APBB2: variants seen among roughly 807,000 people sequenced by gnomAD.
The protein encoded by APBB2 is amyloid beta precursor protein binding family B member 2, also known as Fe65-like 1.
APBB2 carries 38 observed loss-of-function variants against 82.5 expected under a neutral mutation model. The ratio of observed to expected loss-of-function variants is 0.46; its 90% CI spans 0.36 to 0.60. The LOEUF (loss-of-function observed/expected upper bound fraction) is 0.60, where lower values mean the gene tolerates loss of function less well. APBB2 is among the 20% of genes least tolerant of loss of function. APBB2 has a pLI of 0.00. For missense variants in APBB2, 772 were observed against 972.3 expected (o/e 0.79, Z 2.74); for synonymous variants, 341 against 368.2 (o/e 0.93, Z 0.85).
intron 1 of APBB2, among the ~76,000 whole-genome samples, chr4:41,168,501 G>A (rs987015913): frequency 4.6e-5 from 7 of 152,042 alleles, no homozygotes; most frequent in Non-Finnish European, 8.8e-5. Flanking sequence ...ACCATGCCCA[G>A]CGAAGTCAAC....
Position 41,013,806 on chromosome 4 carries a change from G to T in APBB2, c.612C>A (p.Gly204=), listed in dbSNP as rs2292234. 0.2 allele frequency: 315,675 copies of T among 1,613,980 alleles called. 32,178 individuals are homozygous for T. Among genetic ancestry groups the T allele is most frequent in the Non-Finnish European group, 0.21 (250,567 of 1,179,988 alleles). Residue 204 remains glycine, a synonymous_variant, in exon 6 of 18, where the codon GGC becomes GGA. Transcript: ENST00000508593. ...QGQASTIIGN[G]DLLLQKPNRP... ...TGTTTGGTTTCTGCAGCAGCAAATC[G>T]CCATTCCCAATGATGGTGGAGGCCT...
intron 4 of APBB2, among the ~76,000 whole-genome samples, chr4:41,038,835 A>C: frequency 6.6e-6 from 1 of 152,274 alleles, no homozygotes; most frequent in East Asian, 1.9e-4. Context: ...CATTTCAATA[A>C]GCAAATTCTC....
At chr4:41,125,993 G>A (rs577173477) in intron 2 of APBB2, among the ~76,000 whole-genome samples, 1 of 152,256 alleles carries the variant, frequency 6.6e-6, no homozygotes, top group East Asian at 1.9e-4. Flanking sequence ...ATCACAGAAA[G>A]TTGTAAGATA....
chr4:40,903,983 T>C (rs1032339487), intron 10 of APBB2, among the ~76,000 whole-genome samples: 7 of 152,162 alleles, frequency 4.6e-5, no homozygotes, highest in Admixed American at 4.6e-4. Context: ...TTAGGGTACA[T>C]TTGTTACATT....
In APBB2 at chr4:41,157,938, G is replaced by A. The variant is rs10016334; in HGVS notation, c.-416-14796C>T. On this transcript the variant is annotated intron_variant, in intron 1 of 17. Transcript: ENST00000508593. ...ACCTGGGAGGCAGAGGTTGCAGTGA[G>A]CCGAGATTGCGCCACTGCACTCCAG... Among the ~76,000 whole-genome samples, 108 of 152,314 alleles carry A rather than the reference G, an allele frequency of 7.1e-4. 1 individual carries two copies. Among genetic ancestry groups the A allele is most frequent in the Middle Eastern group, 3.4e-3 (1 of 294 alleles).
At chr4:40,985,152 T>C (rs1225455743) in intron 6 of APBB2, among the ~76,000 whole-genome samples, 4 of 152,112 alleles carry the variant, frequency 2.6e-5, no homozygotes, top group African/African-American at 9.7e-5. Flanking sequence ...TGGGTTCACA[T>C]GATCCTCTTG....
chr4:41,214,166 G>A (rs879309977), intron 1 of APBB2, among the ~76,000 whole-genome samples: 25 of 152,244 alleles, frequency 1.6e-4, no homozygotes, highest in Non-Finnish European at 1.8e-4. Flanking sequence ...GCGGGCGCAG[G>A]GCGCACGGGA....
chr4:41,003,782 G>T (rs763212864), intron 6 of APBB2, among the ~76,000 whole-genome samples: 1 of 152,126 alleles, frequency 6.6e-6, no homozygotes, highest in East Asian at 1.9e-4. Flanking sequence ...GCATGATCCC[G>T]GCTCACTGCA....
At chr4:41,208,877 T>C (rs1778624603) in intron 1 of APBB2, among the ~76,000 whole-genome samples, 1 of 152,198 alleles carries the variant, frequency 6.6e-6, no homozygotes, top group South Asian at 2.1e-4. Context: ...AAATTATATA[T>C]TGGGATTTTT....
intron 2 of APBB2, among the ~76,000 whole-genome samples, chr4:41,106,624 C>G (rs1747342941): frequency 6.6e-6 from 1 of 151,996 alleles, no homozygotes; most frequent in African/African-American, 2.4e-5. Context: ...CTACAGGCGC[C>G]CGCCACCACG....
At chr4:41,027,157 AT>A (rs1714619071) in intron 5 of APBB2, among the ~76,000 whole-genome samples, 1 of 152,012 alleles carries the variant, frequency 6.6e-6, no homozygotes, top group Non-Finnish European at 1.5e-5. Flanking sequence ...GCAGCACCCG[AT>A]TAAAGCCTTC....
chr4:41,019,678 T>C (rs1810947725), intron 5 of APBB2, among the ~76,000 whole-genome samples: 2 of 151,778 alleles, frequency 1.3e-5, no homozygotes, highest in Non-Finnish European at 2.9e-5. Context: ...GACTGCACAG[T>C]AGAAACGGTA....
chr4:40,994,188 G>A (rs1006539698), intron 6 of APBB2, among the ~76,000 whole-genome samples: 8 of 151,950 alleles, frequency 5.3e-5, no homozygotes, highest in African/African-American at 1.9e-4. Flanking sequence ...TCGGGAGGCT[G>A]AGGAAGGAGA....
At chr4:41,121,474 G>A (rs377458253) in intron 2 of APBB2, among the ~76,000 whole-genome samples, 1 of 152,242 alleles carries the variant, frequency 6.6e-6, no homozygotes, top group Non-Finnish European at 1.5e-5. Flanking sequence ...GTGTGTACAC[G>A]CTCATGCGTG....
At chr4:41,153,921 T>C (rs1268276752) in intron 1 of APBB2, among the ~76,000 whole-genome samples, 2 of 152,216 alleles carry the variant, frequency 1.3e-5, no homozygotes, top group Non-Finnish European at 2.9e-5. Context: ...GCTAGACGCG[T>C]AAGGAGTTTA....
At chr4:40,918,684 C>T (rs1578424431) in intron 10 of APBB2, among the ~76,000 whole-genome samples, 1 of 151,792 alleles carries the variant, frequency 6.6e-6, no homozygotes, top group South Asian at 2.1e-4. Flanking sequence ...TCCTTCCTTC[C>T]TTCCTTCTTT....
chr4:41,030,763 A>C (rs1033532599), intron 5 of APBB2, among the ~76,000 whole-genome samples: 1 of 152,174 alleles, frequency 6.6e-6, no homozygotes, highest in Non-Finnish European at 1.5e-5. Flanking sequence ...TACTACTGAT[A>C]AGCTGGGCCC....
chr4:41,088,227 T>C (rs1050017968), intron 3 of APBB2, among the ~76,000 whole-genome samples: 3 of 152,302 alleles, frequency 2.0e-5, no homozygotes, highest in East Asian at 3.9e-4. Flanking sequence ...TGTTCCTCTA[T>C]CTTCTCTAAT....
Position 40,812,223 on chromosome 4 carries a change from T to A in APBB2, c.*3869A>T, listed in dbSNP as rs1744558258. 1 of 152,222 alleles carries A rather than the reference T, an allele frequency of 6.6e-6. No homozygotes were observed. The highest frequency in any genetic ancestry group is 2.4e-5 in the African/African-American group (1 of 41,450). 9.4% of individuals were successfully genotyped at this position (152,222 alleles called of 1,614,324 possible). A position where few individuals can be genotyped will look rare whatever the true frequency, so the allele number is the denominator to read the frequency against. On this transcript the variant is annotated 3_prime_UTR_variant, in exon 18 of 18. Coordinates refer to ENST00000508593, the MANE Select transcript of APBB2 (RefSeq NM_004307.2). ...CTAAGAAGTCTGAGGTAAGAATAAT[T>A]TAAAAATAACTAGAGACACCGAGTT...
Sources: gnomAD v4.1 joint callset for allele counts (sites outside exome capture counted in the v4.1 genomes callset) on GRCh38, gnomAD v4.1.1 for gene constraint, MANE v1.5 for transcripts, NCBI Gene and HGNC (gene_info 2026-07-23, HGNC 2026-07-21) for gene names.